PCDH19: variants seen among roughly 807,000 people sequenced by gnomAD.
The protein encoded by PCDH19 is protocadherin-19.
PCDH19 carries 6 observed loss-of-function variants against 46.2 expected under a neutral mutation model. The ratio of observed to expected loss-of-function variants is 0.13; its 90% confidence interval spans 0.07 to 0.26. The LOEUF is 0.26. Among genes scored for constraint, PCDH19 ranks in the 10% least tolerant of loss-of-function variants. The pLI is 1.00. For synonymous variants in PCDH19, 481 were observed against 415.7 expected, an observed-to-expected ratio of 1.16 and a Z score of -1.91; for missense variants, 740 against 972.3, an observed-to-expected ratio of 0.76 and a Z score of 3.18.
chrX:100,307,592 G>A (rs938599753), intron 5 of PCDH19, among the ~76,000 whole-genome samples: 8 of 111,635 alleles, frequency 7.2e-5, no homozygotes, highest in Non-Finnish European at 1.5e-4. Flanking sequence ...AATTGGTAAA[G>A]AGGAAGTCAA....
intron 3 of PCDH19, among the ~76,000 whole-genome samples, chrX:100,394,980 C>T (rs1927983163): frequency 9.3e-6 from 1 of 107,939 alleles, no homozygotes; most frequent in Non-Finnish European, 1.9e-5. Flanking sequence ...CTCCGCCTCC[C>T]GGGTTCACGC....
rs769124092 is a variant in PCDH19, at chrX:100,406,588, C to T, written c.2010G>A (p.Glu670=). The T allele has an allele frequency of 8.3e-7, 1 of 1,210,110 alleles. No individual in the cohort carries two copies. The highest frequency in any genetic ancestry group is 1.8e-5 in the South Asian group (1 of 56,876). The stretch of plus-strand genomic sequence containing the variant: ...AGGACAAGTTCACAGAGCCCATTGA[C>T]TCTTGGGCATCGAGAGCAGGGGACA... The part of the protein sequence containing the change: ...IYLSPALDAQ[E]SMGSVNLSLI... The change falls in exon 1 of 6, where the codon GAG becomes GAA. Residue 670 remains glutamate (E), a synonymous_variant. Transcript: ENST00000373034.
intron 3 of PCDH19, among the ~76,000 whole-genome samples, chrX:100,350,998 C>T (rs1306219768): frequency 8.9e-6 from 1 of 112,902 alleles, no homozygotes; most frequent in African/African-American, 3.2e-5. Context: ...ACAATCCTTA[C>T]AGAAACTAAT....
At chrX:100,382,583 G>C (rs1927584996) in intron 3 of PCDH19, among the ~76,000 whole-genome samples, 1 of 111,996 alleles carries the variant, frequency 8.9e-6, no homozygotes. Flanking sequence ...AGAAAGGCTT[G>C]GGGTAGTATT....
At position 100,407,650 on chromosome X, in the gene PCDH19, C is replaced by A. The variant is rs371533263; in HGVS notation, c.948G>T (p.Val316=). 9.9e-6 allele frequency: 12 copies of A among 1,210,998 alleles called. No homozygotes were observed. Among genetic ancestry groups the A allele is most frequent in the Non-Finnish European group, 1.0e-5 (9 of 895,436 alleles). ...YEEGHVYELD[V]QAKDLGPNSI... is the part of the protein sequence containing the mutation. ...AATTGGGCCCCAAGTCCTTAGCCTGCACGTCCAGTTCGTACACGTGCCCCT... is the reference window on the plus strand; with the variant it reads ...AATTGGGCCCCAAGTCCTTAGCCTGAACGTCCAGTTCGTACACGTGCCCCT... The change falls in exon 1 of 6, where the codon GTG becomes GTT. Residue 316 remains valine, a synonymous_variant. Coordinates refer to ENST00000373034, the MANE Select transcript of PCDH19 (RefSeq NM_001184880.2).
intron 3 of PCDH19, among the ~76,000 whole-genome samples, chrX:100,402,233 T>G (rs1289339925): frequency 1.8e-5 from 2 of 112,195 alleles, no homozygotes; most frequent in African/African-American, 3.2e-5. Flanking sequence ...GCATGCTATA[T>G]TTGCAACAGG....
In PCDH19 at chrX:100,403,515, C is replaced by G; in HGVS notation, c.2288+9G>C. 1.7e-6 allele frequency: 2 copies of G among 1,206,319 alleles called. No homozygotes were observed. Among genetic ancestry groups the G allele is most frequent in the Non-Finnish European group, 2.2e-6 (2 of 893,426 alleles). ...AAACCCATTTAAATGAGGGGAAATG[C>G]CTTTTTACCTCTTTCCCCTTAGGCT... On this transcript the variant is annotated intron_variant, in intron 2 of 5. Coordinates refer to ENST00000373034, the MANE Select transcript of PCDH19 (RefSeq NM_001184880.2).
rs1454878276 is a variant in PCDH19 at position 100,403,585 on chromosome X, A to T, written c.2227T>A (p.Ser743Thr). The T allele has an allele frequency of 2.5e-6, 3 of 1,208,434 alleles. No homozygotes were observed. In the Admixed American group the frequency reaches 6.5e-5, roughly 26 times the overall value. Reference protein sequence around the residue: ...NSKCLHCISVSPISEEQDKKT... With the variant: ...NSKCLHCISVTPISEEQDKKT... ...TTGTCTTGCTCCTCGCTAATGGGAG[A>T]AACCGAGATGCAATGCAGACACTTG... Residue 743 changes from serine to threonine, a missense_variant, in exon 2 of 6, where the codon TCT (serine) becomes ACT (threonine). Physicochemically the swap from Ser to Thr is moderately conservative, Grantham distance 58. Coordinates refer to ENST00000373034, the MANE Select transcript of PCDH19 (RefSeq NM_001184880.2).
intron 3 of PCDH19, among the ~76,000 whole-genome samples, chrX:100,386,580 T>C (rs922688958): frequency 1.8e-5 from 2 of 112,061 alleles, no homozygotes; most frequent in African/African-American, 6.5e-5. Context: ...TTTAATTTCA[T>C]GGAAATTCTT....
chrX:100,392,211 C>T lies in PCDH19; in HGVS notation c.2616+10313G>A, dbSNP rs1028213412. On this transcript the variant is annotated intron_variant, in intron 3 of 5. Coordinates refer to ENST00000373034, the MANE Select transcript of PCDH19 (RefSeq NM_001184880.2). ...GCCACTACATAATGCATAGTTTTTGCAAAGGCAGGTTAGCTTTCTTTCCAT... is the reference window on the plus strand; with the variant it reads ...GCCACTACATAATGCATAGTTTTTGTAAAGGCAGGTTAGCTTTCTTTCCAT... Among the ~76,000 whole-genome samples, 3 of 112,070 alleles carry T rather than the reference C, an allele frequency of 2.7e-5. No individual in the cohort carries two copies. In the South Asian group the frequency reaches 1.1e-3, roughly 42 times the overall value.
At chrX:100,312,343 C>T (rs144205526) in intron 5 of PCDH19, among the ~76,000 whole-genome samples, 278 of 111,390 alleles carry the variant, frequency 2.5e-3, no homozygotes, top group Middle Eastern at 9.2e-3. Flanking sequence ...GGGGCACAAG[C>T]CTAACCTGGA....
chrX:100,294,727 C>A lies in PCDH19; in HGVS notation c.*1550G>T, dbSNP rs938502618. 2.7e-5 allele frequency: 3 copies of A among 111,440 alleles called. No individual in the cohort carries two copies. Among genetic ancestry groups the A allele is most frequent in the Non-Finnish European group, 5.7e-5 (3 of 53,007 alleles). The allele number at this position is 111,440 out of a possible 1,213,427, so 9.2% of individuals were successfully genotyped here. A position where few individuals can be genotyped will look rare whatever the true frequency, so the allele number is the denominator to read the frequency against. On this transcript the variant is annotated 3_prime_UTR_variant, in exon 6 of 6. Coordinates refer to ENST00000373034, the MANE Select transcript of PCDH19 (RefSeq NM_001184880.2). ...AAGGCAGAACAAAGGTGACATATTTCTTTAGTTTATTTTTAAATAATGAAC... is the reference window on the plus strand; with the variant it reads ...AAGGCAGAACAAAGGTGACATATTTATTTAGTTTATTTTTAAATAATGAAC...
At chrX:100,400,013 T>C (rs1385215591) in intron 3 of PCDH19, among the ~76,000 whole-genome samples, 2 of 111,774 alleles carry the variant, frequency 1.8e-5, no homozygotes, top group African/African-American at 6.5e-5. Flanking sequence ...ATCTATTTCA[T>C]AGACACCAGA....
intron 5 of PCDH19, among the ~76,000 whole-genome samples, chrX:100,320,930 GC>G (rs1031919547): frequency 3.1e-5 from 3 of 97,741 alleles, no homozygotes; most frequent in African/African-American, 1.2e-4. Flanking sequence ...TTTATCAATC[GC>G]CCCCCTTCCA....
intron 5 of PCDH19, among the ~76,000 whole-genome samples, chrX:100,321,645 A>G (rs1246110049): frequency 9.2e-6 from 1 of 108,909 alleles, no homozygotes. Context: ...GATTTGTTTG[A>G]GTTCGTTGTA....
intron 3 of PCDH19, among the ~76,000 whole-genome samples, chrX:100,392,645 C>T (rs959139059): frequency 9.0e-6 from 1 of 111,498 alleles, no homozygotes; most frequent in Admixed American, 9.5e-5. Context: ...CAATGCCAGT[C>T]TTATGAGTGC....
rs778782448 is a variant in PCDH19 at position 100,296,312 on chromosome X, G to A, written c.3412C>T (p.Pro1138Ser). 2.3e-5 allele frequency: 28 copies of A among 1,209,129 alleles called. No individual in the cohort carries two copies. In the Admixed American group the frequency reaches 6.1e-4, roughly 26 times the overall value. Residue 1138 changes from proline to serine, a missense_variant, in exon 6 of 6, where the codon CCT (proline) becomes TCT (serine). Pro to Ser is a moderately conservative substitution (Grantham distance 74, BLOSUM62 -1). This residue lies in a region of PCDH19 where 416 missense variants were observed against 476.8 expected (regional missense o/e 0.87). Coordinates refer to ENST00000373034, the MANE Select transcript of PCDH19 (RefSeq NM_001184880.2). ...ILKEGRNKES[P>S]GVKRLKDIVL ...ATATCCTTCAGACGCTTCACACCAG[G>A]GGACTCTTTGTTGCGACCTTCCTTC...
At chrX:100,335,355 T>C (rs1017542770) in intron 5 of PCDH19, among the ~76,000 whole-genome samples, 6 of 111,313 alleles carry the variant, frequency 5.4e-5, no homozygotes. Flanking sequence ...TAATTGGACA[T>C]GTCAGAGATT....
chrX:100,333,170 GAAGGGAGA>G (rs1925950245), intron 5 of PCDH19, among the ~76,000 whole-genome samples: 1 of 26,602 alleles, frequency 3.8e-5, no homozygotes, highest in African/African-American at 9.4e-5. Flanking sequence ...AGGAAGGAAG[GAAGGGAGA>G]GAGAGAGAAA....
Sources: gnomAD v4.1 joint callset for allele counts (sites outside exome capture counted in the v4.1 genomes callset) on GRCh38, gnomAD v4.1.1 for gene constraint, gnomAD v4.1.1 regional missense constraint, MANE v1.5 for transcripts, NCBI Gene and HGNC (gene_info 2026-07-23, HGNC 2026-07-21) for gene names.